Variants in SLC12A6 observed in about 807,000 individuals in gnomAD.
The protein encoded by SLC12A6 is solute carrier family 12 member 6.
In SLC12A6, 66 loss-of-function variants were observed where a neutral mutation model predicts 135.3. That is an observed-to-expected ratio of 0.49 (90% CI 0.40 to 0.60). The LOEUF is 0.60. SLC12A6 is among the 20% of genes least tolerant of loss of function. The pLI, the probability that SLC12A6 is intolerant of heterozygous loss-of-function variation, is 0.00. For synonymous variants in SLC12A6, 513 were observed against 508.8 expected, an observed-to-expected ratio of 1.01 and a Z score of -0.11; for missense variants, 1,058 against 1,452.3, an observed-to-expected ratio of 0.73 and a Z score of 4.41.
At chr15:34,246,567 ACTTT>A (rs970481575) in intron 13 of SLC12A6, among the ~76,000 whole-genome samples, 3 of 152,136 alleles carry the variant, frequency 2.0e-5, no homozygotes, top group East Asian at 3.8e-4. Flanking sequence ...TCTAGTGTTG[ACTTT>A]CTATTATATA....
intron 6 of SLC12A6, among the ~76,000 whole-genome samples, chr15:34,256,966 G>T (rs892535340): frequency 1.3e-5 from 2 of 152,116 alleles, no homozygotes; most frequent in Non-Finnish European, 2.9e-5. Context: ...AAAAAAGGTG[G>T]TACCATGAAC....
rs184591143 is a variant in SLC12A6 at position 34,239,439 on chromosome 15, A to G, written c.2437-279T>C. On this transcript the variant is annotated intron_variant, in intron 19 of 25. Coordinates refer to ENST00000354181, the MANE Select transcript of SLC12A6 (RefSeq NM_001365088.1). ...TTGTTCCTTTGCACCATACCAAAAA[A>G]CTGGGAACAGGGATCTCTACAAAGT... Among the ~76,000 whole-genome samples the G allele has an allele frequency of 2.4e-3, 364 of 152,282 alleles. 1 individual carries two copies. Among genetic ancestry groups the G allele is most frequent in the Non-Finnish European group, 4.5e-3 (305 of 68,026 alleles).
chr15:34,336,887 GAA>G (rs1890235207), intron 1 of SLC12A6, 135 bp from the exon 2 acceptor site: 1 of 603,748 alleles, frequency 1.7e-6, no homozygotes, highest in East Asian at 2.8e-5. Context: ...ACCAATAGGT[GAA>G]TATATTTTTT....
In SLC12A6 at chr15:34,304,938, G is replaced by GCTCT. The variant is rs533654553; in HGVS notation, c.272-29550_272-29549insAGAG. Among the ~76,000 whole-genome samples the GCTCT allele has an allele frequency of 1.1e-4, 17 of 152,272 alleles. No homozygotes were observed. In the South Asian group the frequency reaches 3.5e-3, roughly 32 times the overall value. On this transcript the variant is annotated intron_variant, in intron 2 of 25. Coordinates refer to ENST00000354181, the MANE Select transcript of SLC12A6 (RefSeq NM_001365088.1). Reference sequence around the variant, plus strand: ...AAACCCCTTCTTGAATTTTCTCAGAGGAGTTAAGTGGGTATTATATCCTTG... The same window carrying GCTCT: ...AAACCCCTTCTTGAATTTTCTCAGAGCTCTGAGTTAAGTGGGTATTATATCCTTG...
At chr15:34,314,723 C>T (rs1888510186) in intron 2 of SLC12A6, 1 of 152,426 alleles carries the variant, frequency 6.6e-6, no homozygotes, top group Non-Finnish European at 1.5e-5. Context: ...AAAATATCAA[C>T]ATTAGGCTGG....
Position 34,237,265 on chromosome 15 carries a change from C to G in SLC12A6, c.2934+154G>C. The G allele has an allele frequency of 4.8e-6, 3 of 627,784 alleles. No individual in the cohort carries two copies. In the South Asian group the frequency reaches 5.9e-5, roughly 12 times the overall value. The allele number at this position is 627,784 out of a possible 1,614,324, so 38.9% of individuals were successfully genotyped here. ...CATCACATATACATTCTACTTAGGG[C>G]AACAAATTAGGGTTTTTTTTTGTTT... On this transcript the variant is annotated intron_variant, in intron 22 of 25. Coordinates refer to ENST00000354181, the MANE Select transcript of SLC12A6 (RefSeq NM_001365088.1).
chr15:34,312,803 C>T (rs1888353735), intron 2 of SLC12A6, among the ~76,000 whole-genome samples: 1 of 152,214 alleles, frequency 6.6e-6, no homozygotes, highest in African/African-American at 2.4e-5. Flanking sequence ...ATAGCATGTG[C>T]TCACTTCATG....
intron 2 of SLC12A6, among the ~76,000 whole-genome samples, chr15:34,285,164 T>C (rs1399503546): frequency 6.6e-6 from 1 of 152,188 alleles, no homozygotes; most frequent in Non-Finnish European, 1.5e-5. Flanking sequence ...ACAACAGCTA[T>C]AGTCTGGAAT....
At chr15:34,238,792 G>C (rs576430304) in intron 20 of SLC12A6, 173 bp downstream of exon 20, 14 of 721,602 alleles carry the variant, frequency 1.9e-5, no homozygotes, top group Admixed American at 1.9e-5. Context: ...ATAATGTGAA[G>C]CTGAAGGGGG....
In SLC12A6 at chr15:34,236,174, G is replaced by T; in HGVS notation, c.3068C>A (p.Ser1023Ter). The T allele has an allele frequency of 6.2e-7, 1 of 1,613,988 alleles. No individual in the cohort carries two copies. Among genetic ancestry groups the T allele is most frequent in the South Asian group, 1.1e-5 (1 of 91,074 alleles). Residue 1023 changes from serine to a stop codon, truncating the protein, a stop_gained, in exon 24 of 26, where the codon TCA becomes TAA. Coordinates refer to ENST00000354181, the MANE Select transcript of SLC12A6 (RefSeq NM_001365088.1). LOFTEE classifies it high-confidence loss of function. ...GCCAATGCTGGTCAATCGTAGCATT[G>T]AGTTTCGGTCTTTCACCAATTGTGC... Reference protein sequence around the residue: ...REAQLVKDRNSMLRLTSIGSD... With the variant: ...REAQLVKDRN
chr15:34,243,362 G>C (rs1891781185), intron 16 of SLC12A6, among the ~76,000 whole-genome samples: 2 of 152,154 alleles, frequency 1.3e-5, no homozygotes, highest in African/African-American at 4.8e-5. Context: ...GTAGCAACGG[G>C]TACATACAGG....
rs553736259 is a variant in SLC12A6 at position 34,256,645 on chromosome 15, A to G, written c.691-362T>C. Among the ~76,000 whole-genome samples, 86 of 152,342 alleles carry G rather than the reference A, an allele frequency of 5.6e-4. 2 individuals are homozygous for G. In the South Asian group the frequency reaches 0.016, roughly 29 times the overall value. Reference sequence around the variant, plus strand: ...AGAACCTGACTAAAGACTAAATACAATATCAAGAACAATGTTCAGTAAGAA... The same window carrying G: ...AGAACCTGACTAAAGACTAAATACAGTATCAAGAACAATGTTCAGTAAGAA... On this transcript the variant is annotated intron_variant, in intron 6 of 25. Transcript: ENST00000354181.
At chr15:34,304,997 A>T (rs537713795) in intron 2 of SLC12A6, among the ~76,000 whole-genome samples, 2 of 152,272 alleles carry the variant, frequency 1.3e-5, no homozygotes, top group Admixed American at 6.5e-5. Context: ...GTTTCCCCTC[A>T]TAGGGGAGAA....
rs193259479 is a variant in SLC12A6, at chr15:34,307,440, T to G, written c.271+28970A>C. On this transcript the variant is annotated intron_variant, in intron 2 of 25. Transcript: ENST00000354181. ...TAATTACAGTGTTACTGCAAGAATA[T>G]TTGACTGCTGATAAATACCAATTAT... Among the ~76,000 whole-genome samples, 36 of 152,282 alleles carry G rather than the reference T, an allele frequency of 2.4e-4. No homozygotes were observed. The East Asian group carries it at 5.8e-3, about 24-fold the overall frequency.
intron 2 of SLC12A6, chr15:34,299,478 C>A (rs1896094802): frequency 6.6e-6 from 1 of 152,208 alleles, no homozygotes; most frequent in African/African-American, 2.4e-5. Flanking sequence ...AAGGGGCTTA[C>A]AGCACATACG....
intron 5 of SLC12A6, among the ~76,000 whole-genome samples, chr15:34,258,514 G>A (rs1892907243): frequency 6.6e-6 from 1 of 152,136 alleles, no homozygotes; most frequent in African/African-American, 2.4e-5. Flanking sequence ...CCTCCACTCT[G>A]GATCCCTTGC....
intron 13 of SLC12A6, among the ~76,000 whole-genome samples, chr15:34,247,213 C>T (rs1892051486): frequency 6.6e-6 from 1 of 152,088 alleles, no homozygotes. Flanking sequence ...TATTAAGTAT[C>T]ACACACAAAA....
At chr15:34,273,274 C>G (rs532869116) in intron 3 of SLC12A6, among the ~76,000 whole-genome samples, 1 of 152,318 alleles carries the variant, frequency 6.6e-6, no homozygotes, top group Admixed American at 6.5e-5. Flanking sequence ...CTGCTTGAAT[C>G]TGAGAGGTGG....
chr15:34,309,512 A>G (rs347857), intron 2 of SLC12A6, among the ~76,000 whole-genome samples: 8,944 of 152,186 alleles, frequency 0.059, 846 homozygotes, highest in African/African-American at 0.2. Context: ...AAGCTAGAAA[A>G]ATTTTGGAAG....
Sources: allele counts gnomAD v4.1 joint callset (sites outside exome capture counted in the v4.1 genomes callset), GRCh38; gene constraint gnomAD v4.1.1; transcripts MANE v1.5; gene names NCBI Gene and HGNC (gene_info 2026-07-23, HGNC 2026-07-21).